The following BCO1 variants were observed in gnomAD, a reference collection of about 807,000 sequenced individuals.
BCO1 encodes beta,beta-carotene 15,15'-dioxygenase.
Under a neutral mutation model 56.3 loss-of-function variants are expected in BCO1, and 54 were observed. The ratio of observed to expected loss-of-function variants is 0.96; its 90% CI spans 0.77 to 1.20. BCO1 has a LOEUF of 1.20. Among genes scored for constraint, BCO1 ranks in the 50% most tolerant of loss-of-function variants. BCO1 has a pLI of 0.00. For missense variants in BCO1, 801 were observed against 690.9 expected, an observed-to-expected ratio of 1.16 and a Z score of -1.79; for synonymous variants, 318 against 266.1, an observed-to-expected ratio of 1.20 and a Z score of -1.90.
At chr16:81,248,380 G>A (rs1905556488) in intron 2 of BCO1, among the ~76,000 whole-genome samples, 1 of 116,708 alleles carries the variant, frequency 8.6e-6, no homozygotes, top group Admixed American at 1.1e-4. Flanking sequence ...TCCAGCCTGG[G>A]CAACAAGAGC....
At chr16:81,265,229 A>G (rs1906738098) in intron 5 of BCO1, among the ~76,000 whole-genome samples, 1 of 149,844 alleles carries the variant, frequency 6.7e-6, no homozygotes, top group Non-Finnish European at 1.5e-5. Context: ...CCGTCCACCC[A>G]TCCACCTATC....
intron 1 of BCO1, among the ~76,000 whole-genome samples, chr16:81,241,219 A>G (rs991953207): frequency 1.3e-5 from 2 of 151,900 alleles, no homozygotes; most frequent in Non-Finnish European, 1.5e-5. Context: ...GAGACTGGGC[A>G]TGAGAATCAC....
chr16:81,251,856 A>G (rs1905819861), intron 2 of BCO1, among the ~76,000 whole-genome samples: 1 of 140,472 alleles, frequency 7.1e-6, no homozygotes, highest in Admixed American at 7.1e-5. Context: ...ACACACGCAC[A>G]CACACACACA....
At chr16:81,256,203 A>G (rs1906127377) in intron 2 of BCO1, among the ~76,000 whole-genome samples, 1 of 151,964 alleles carries the variant, frequency 6.6e-6, no homozygotes. Flanking sequence ...GATAACACAC[A>G]TCAAGTGCCC....
chr16:81,287,973 T>C (rs1474332772), intron 10 of BCO1, among the ~76,000 whole-genome samples: 1 of 152,164 alleles, frequency 6.6e-6, no homozygotes, highest in Non-Finnish European at 1.5e-5. Context: ...TCAGTCCTCC[T>C]GGAGATCAAG....
intron 1 of BCO1, among the ~76,000 whole-genome samples, chr16:81,244,770 A>G (rs1387110275): frequency 7.0e-6 from 1 of 142,316 alleles, no homozygotes; most frequent in African/African-American, 2.7e-5. Context: ...TCTGTTGCCC[A>G]GGCTGGAGTG....
intron 7 of BCO1, among the ~76,000 whole-genome samples, chr16:81,277,570 G>A (rs898371757): frequency 1.3e-5 from 2 of 152,116 alleles, no homozygotes; most frequent in Non-Finnish European, 2.9e-5. Flanking sequence ...TCACCACCCC[G>A]ATTTTACACA....
intron 1 of BCO1, among the ~76,000 whole-genome samples, chr16:81,244,887 GT>G (rs1334863843): frequency 2.6e-5 from 4 of 151,730 alleles, no homozygotes; most frequent in African/African-American, 9.7e-5. Context: ...AATGAGCTAT[GT>G]TTTTTTGGGG....
intron 1 of BCO1, among the ~76,000 whole-genome samples, chr16:81,242,938 G>A (rs951956818): frequency 3.3e-5 from 5 of 152,000 alleles, no homozygotes; most frequent in Admixed American, 6.6e-5. Context: ...TATAAGAATC[G>A]ACCCCTCAAC....
At chr16:81,276,487 T>G (rs1018199611) in intron 7 of BCO1, among the ~76,000 whole-genome samples, 9 of 152,234 alleles carry the variant, frequency 5.9e-5, no homozygotes, top group African/African-American at 2.4e-5. Flanking sequence ...CAGGGCTGGC[T>G]GTTGCCTTGG....
intron 10 of BCO1, among the ~76,000 whole-genome samples, chr16:81,290,129 G>A (rs1908381001): frequency 6.6e-6 from 1 of 152,136 alleles, no homozygotes; most frequent in Non-Finnish European, 1.5e-5. Context: ...TCCCAAAGTG[G>A]CGGGATTACA....
rs990359479 is a variant in BCO1 at position 81,245,662 on chromosome 16, C to T, written c.193+59C>T. The T allele has an allele frequency of 3.1e-6, 5 of 1,604,536 alleles. No homozygotes were observed. The African/African-American group carries it at 6.7e-5, about 21-fold the overall frequency. ...CAGCAAAGGACCCCAAATGCAGTGCCTTAAAACAGCACAAATTTATTCTTT... is the reference window on the plus strand; with the variant it reads ...CAGCAAAGGACCCCAAATGCAGTGCTTTAAAACAGCACAAATTTATTCTTT... On this transcript the variant is annotated intron_variant, in intron 2 of 10. Coordinates refer to ENST00000258168, the MANE Select transcript of BCO1 (RefSeq NM_017429.3).
intron 7 of BCO1, among the ~76,000 whole-genome samples, chr16:81,273,175 G>T (rs1310159485): frequency 6.6e-6 from 1 of 152,084 alleles, no homozygotes; most frequent in South Asian, 2.1e-4. Flanking sequence ...TAGAGATGGG[G>T]TTTCACCATG....
At chr16:81,244,555 G>A (rs1412906019) in intron 1 of BCO1, among the ~76,000 whole-genome samples, 1 of 152,100 alleles carries the variant, frequency 6.6e-6, no homozygotes, top group East Asian at 1.9e-4. Flanking sequence ...GCTCTAGAAT[G>A]TTCTTTCCTT....
At chr16:81,248,137 C>T (rs913095194) in intron 2 of BCO1, among the ~76,000 whole-genome samples, 2 of 152,152 alleles carry the variant, frequency 1.3e-5, no homozygotes, top group African/African-American at 4.8e-5. Flanking sequence ...CGCGATGGCT[C>T]ACACCTGTAT....
chr16:81,282,280 G>A (rs1043925995), intron 8 of BCO1, among the ~76,000 whole-genome samples: 8 of 152,162 alleles, frequency 5.3e-5, no homozygotes, highest in African/African-American at 4.8e-5. Context: ...AGCTACTCAG[G>A]AGGTTGTGGC....
At chr16:81,251,847 C>G (rs912938174) in intron 2 of BCO1, among the ~76,000 whole-genome samples, 14 of 144,168 alleles carry the variant, frequency 9.7e-5, no homozygotes. Flanking sequence ...CACACACACA[C>G]ACACGCACAC....
At chr16:81,259,639 G>T (rs1166589007) in intron 2 of BCO1, 37 bp from the exon 3 acceptor site, 3 of 1,613,976 alleles carry the variant, frequency 1.9e-6, no homozygotes, top group Admixed American at 1.7e-5. Context: ...CCCTGTGAAG[G>T]CGTCAGCCTG....
At chr16:81,263,802 G>A (rs1274331239) in intron 4 of BCO1, 1 of 152,246 alleles carries the variant, frequency 6.6e-6, no homozygotes, top group Non-Finnish European at 1.5e-5. Context: ...CCAGCTGGCT[G>A]TTCAAAATTC....
Sources: gnomAD v4.1 joint callset for allele counts (sites outside exome capture counted in the v4.1 genomes callset) on GRCh38, gnomAD v4.1.1 for gene constraint, MANE v1.5 for transcripts, NCBI Gene and HGNC (gene_info 2026-07-23, HGNC 2026-07-21) for gene names.